CFDP1: variants seen among roughly 807,000 people sequenced by gnomAD.
The protein encoded by CFDP1 is chromatin remodeling protein CFDP1.
CFDP1 carries 31 observed loss-of-function variants against 40.1 expected under a neutral mutation model. The ratio of observed to expected loss-of-function variants is 0.77; its 90% CI spans 0.58 to 1.04. The LOEUF (loss-of-function observed/expected upper bound fraction) is 1.04. Among genes scored for constraint, CFDP1 ranks in the 50% least tolerant of loss-of-function variants. The pLI is 0.00. For synonymous variants in CFDP1, 167 were observed against 120.0 expected, an observed-to-expected ratio of 1.39 and a Z score of -2.56; for missense variants, 423 against 343.4, an observed-to-expected ratio of 1.23 and a Z score of -1.83.
intron 5 of CFDP1, among the ~76,000 whole-genome samples, chr16:75,323,614 C>A (rs1029807900): frequency 6.6e-6 from 1 of 152,030 alleles, no homozygotes; most frequent in Non-Finnish European, 1.5e-5. Flanking sequence ...AACCCGATCT[C>A]TACTGAAAAT....
intron 5 of CFDP1, among the ~76,000 whole-genome samples, chr16:75,326,364 G>T (rs1170120429): frequency 6.6e-6 from 1 of 152,178 alleles, no homozygotes; most frequent in Non-Finnish European, 1.5e-5. Context: ...GACATAATTG[G>T]AGCAATTATC....
chr16:75,325,296 C>T (rs538958933), intron 5 of CFDP1, among the ~76,000 whole-genome samples: 6 of 152,346 alleles, frequency 3.9e-5, no homozygotes, highest in African/African-American at 1.4e-4. Context: ...GTATAGTCCC[C>T]TTCAGGCATG....
At chr16:75,357,442 A>G (rs930367181) in intron 5 of CFDP1, among the ~76,000 whole-genome samples, 7 of 151,824 alleles carry the variant, frequency 4.6e-5, no homozygotes, top group African/African-American at 1.7e-4. Flanking sequence ...TTTAGTAGAG[A>G]CGGGGTTTCA....
At position 75,305,034 on chromosome 16, in the gene CFDP1, C is replaced by G; in HGVS notation, c.799G>C (p.Gly267Arg). 1 of 1,613,882 alleles carries G rather than the reference C, an allele frequency of 6.2e-7. No homozygotes were observed. The highest frequency in any genetic ancestry group is 8.5e-7 in the Non-Finnish European group (1 of 1,179,910). Residue 267 changes from glycine (G) to arginine (R), a missense_variant, in exon 6 of 7, where the codon GGG becomes CGG. Coordinates refer to ENST00000283882, the MANE Select transcript of CFDP1 (RefSeq NM_006324.3). Reference sequence around the variant, plus strand: ...CCTACTCCTTCTTACCCCTCTTTCCCTCGATTATGGATGGCCAGTTCTTCA... The same window carrying G: ...CCTACTCCTTCTTACCCCTCTTTCCGTCGATTATGGATGGCCAGTTCTTCA... The part of the protein sequence containing the change: ...IGEELAIHNR[G>R]KEGYIERKAF...
At chr16:75,374,486 A>G (rs765667761) in intron 5 of CFDP1, among the ~76,000 whole-genome samples, 1 of 152,058 alleles carries the variant, frequency 6.6e-6, no homozygotes, top group Non-Finnish European at 1.5e-5. Flanking sequence ...TAGATTACTA[A>G]ATGCTTAGGG....
At chr16:75,316,327 C>T (rs1054991798) in intron 5 of CFDP1, among the ~76,000 whole-genome samples, 2 of 152,004 alleles carry the variant, frequency 1.3e-5, no homozygotes, top group Non-Finnish European at 2.9e-5. Context: ...GAAAGTTGAC[C>T]GCTTCTTATT....
intron 5 of CFDP1, among the ~76,000 whole-genome samples, chr16:75,333,982 A>G (rs2078466920): frequency 6.6e-6 from 1 of 152,170 alleles, no homozygotes; most frequent in African/African-American, 2.4e-5. Flanking sequence ...GGATAAATCA[A>G]TCCTTCACAT....
At chr16:75,304,134 T>A (rs1024344917) in intron 6 of CFDP1, among the ~76,000 whole-genome samples, 4 of 152,164 alleles carry the variant, frequency 2.6e-5, no homozygotes, top group Non-Finnish European at 5.9e-5. Context: ...AGTGGTTCAG[T>A]CTTGGCTCAC....
At chr16:75,386,638 T>A (rs548534027) in intron 5 of CFDP1, among the ~76,000 whole-genome samples, 1 of 152,220 alleles carries the variant, frequency 6.6e-6, no homozygotes, top group East Asian at 1.9e-4. Context: ...GGCAGGAGCA[T>A]CACTTGAACC....
At chr16:75,331,722 A>G (rs1031470976) in intron 5 of CFDP1, among the ~76,000 whole-genome samples, 3 of 110,116 alleles carry the variant, frequency 2.7e-5, no homozygotes, top group African/African-American at 9.8e-5. Flanking sequence ...TTATTGCCAC[A>G]CTTTGTTTAT....
chr16:75,381,365 G>A (rs927282883), intron 5 of CFDP1: 1 of 152,116 alleles, frequency 6.6e-6, no homozygotes, highest in Non-Finnish European at 1.5e-5. Context: ...AAAAGGCAAT[G>A]AGAGTGGAGA....
chr16:75,311,053 C>T (rs1016753114), intron 5 of CFDP1, among the ~76,000 whole-genome samples: 1 of 152,150 alleles, frequency 6.6e-6, no homozygotes, highest in Non-Finnish European at 1.5e-5. Flanking sequence ...GATCAACATA[C>T]AGGCAAACTG....
At chr16:75,383,323 T>C (rs987620002) in intron 5 of CFDP1, among the ~76,000 whole-genome samples, 3 of 152,234 alleles carry the variant, frequency 2.0e-5, no homozygotes, top group Non-Finnish European at 4.4e-5. Context: ...TTATCTAATA[T>C]GAATCTTTCT....
intron 5 of CFDP1, among the ~76,000 whole-genome samples, chr16:75,367,318 C>A (rs892475915): frequency 6.6e-6 from 1 of 151,444 alleles, no homozygotes; most frequent in Non-Finnish European, 1.5e-5. Flanking sequence ...ATAGCTAATG[C>A]GTGCTGGGTT....
intron 5 of CFDP1, among the ~76,000 whole-genome samples, chr16:75,331,058 G>T (rs995309727): frequency 3.3e-5 from 5 of 151,680 alleles, no homozygotes; most frequent in African/African-American, 4.8e-5. Flanking sequence ...TTCAGGACAG[G>T]CCTCCTCTGC....
intron 6 of CFDP1, among the ~76,000 whole-genome samples, chr16:75,299,472 G>C (rs1460291132): frequency 6.6e-6 from 1 of 151,830 alleles, no homozygotes; most frequent in African/African-American, 2.4e-5. Flanking sequence ...GCGGGCGCCT[G>C]TAGTCCCAGC....
chr16:75,301,522 G>C (rs1040105147), intron 6 of CFDP1, among the ~76,000 whole-genome samples: 1 of 124,096 alleles, frequency 8.1e-6, no homozygotes, highest in African/African-American at 3.1e-5. Context: ...CTCAACATTA[G>C]AGTTTTGTTG....
In CFDP1 at chr16:75,433,431, T is replaced by C. The variant is rs2079451813; in HGVS notation, c.-79A>G. On this transcript the variant is annotated 5_prime_UTR_variant, in exon 1 of 7. An upstream start codon of the reference 5' UTR is lost. Transcript: ENST00000283882. ...ACGGCAAAGCTCTAGGGAGAGACCATAGAGCCCCGGCGGCGGCGACGGCAG... is the reference window on the plus strand; with the variant it reads ...ACGGCAAAGCTCTAGGGAGAGACCACAGAGCCCCGGCGGCGGCGACGGCAG... 8.4e-6 allele frequency: 12 copies of C among 1,432,310 alleles called. No homozygotes were observed. Among genetic ancestry groups the C allele is most frequent in the Middle Eastern group, 2.1e-4 (1 of 4,754 alleles). 88.7% of individuals were successfully genotyped at this position (1,432,310 alleles called of 1,614,324 possible).
intron 5 of CFDP1, chr16:75,381,290 CCT>C (rs1384544749): frequency 6.6e-6 from 1 of 151,612 alleles, no homozygotes; most frequent in African/African-American, 2.4e-5. Flanking sequence ...AAAGTGAGAC[CCT>C]GTCTCAATAA....
Sources: allele counts gnomAD v4.1 joint callset (sites outside exome capture counted in the v4.1 genomes callset), GRCh38; gene constraint gnomAD v4.1.1; transcripts MANE v1.5; gene names NCBI Gene and HGNC (gene_info 2026-07-23, HGNC 2026-07-21).